Variants in PLOD2 observed in about 807,000 individuals in gnomAD.
PLOD2 encodes the protein procollagen-lysine,2-oxoglutarate 5-dioxygenase 2, also known as lysine hydroxylase 2.
PLOD2 carries 65 observed loss-of-function variants against 101.0 expected under a neutral mutation model. That is an observed-to-expected ratio of 0.64 (90% confidence interval 0.53 to 0.79). The LOEUF (loss-of-function observed/expected upper bound fraction) is 0.79. PLOD2 is among the 30% of genes least tolerant of loss of function. The probability of loss-of-function intolerance (pLI) is 0.00; values close to 1 mark genes in which losing one functional copy is unlikely to be tolerated. For synonymous variants in PLOD2, 314 were observed against 302.9 expected (o/e 1.04, Z -0.38); for missense variants, 909 against 914.6 (o/e 0.99, Z 0.08).
At chr3:146,132,472 G>A (rs1488724867) in intron 1 of PLOD2, among the ~76,000 whole-genome samples, 1 of 151,914 alleles carries the variant, frequency 6.6e-6, no homozygotes, top group Admixed American at 6.6e-5. Flanking sequence ...TAATAGATAT[G>A]TGAAAGACCA....
At chr3:146,106,677 A>G (rs1937540267) in intron 4 of PLOD2, 33 bp from the exon 5 acceptor site, 1 of 1,120,610 alleles carries the variant, frequency 8.9e-7, no homozygotes, top group Non-Finnish European at 1.4e-6. Flanking sequence ...TAGATAATTT[A>G]GGATTCAAAG....
intron 7 of PLOD2, among the ~76,000 whole-genome samples, chr3:146,101,790 G>A (rs570824006): frequency 2.6e-5 from 4 of 152,180 alleles, no homozygotes; most frequent in Non-Finnish European, 5.9e-5. Flanking sequence ...AAATGCTAAT[G>A]AGGAGATGAC....
intron 1 of PLOD2, among the ~76,000 whole-genome samples, chr3:146,138,232 T>C (rs73865321): frequency 0.01 from 1,566 of 152,108 alleles, 34 homozygotes; most frequent in African/African-American, 0.036. Context: ...AATGTTACTG[T>C]GTGCCTACTA....
rs191780503 is a variant in PLOD2 at position 146,138,582 on chromosome 3, T to C, written c.110-14353A>G. ...CTGGGCTGGGTTCAGGCCTCATACA[T>C]TGGCAGTGGAAGAAAAGGGAGGACA... On this transcript the variant is annotated intron_variant, in intron 1 of 19. Coordinates refer to ENST00000282903, the MANE Select transcript of PLOD2 (RefSeq NM_182943.3). Among the ~76,000 whole-genome samples the C allele has an allele frequency of 2.6e-5, 4 of 152,064 alleles. No individual in the cohort carries two copies. In the East Asian group the frequency reaches 5.8e-4, roughly 22 times the overall value.
At chr3:146,110,208 T>G (rs557677090) in intron 4 of PLOD2, 77 bp downstream of exon 4, 2 of 1,235,862 alleles carry the variant, frequency 1.6e-6, no homozygotes, top group South Asian at 2.4e-5. Flanking sequence ...ATATCTAAAG[T>G]TACTACATCT....
Position 146,124,368 on chromosome 3 carries a change from AGCTGTCG to A in PLOD2, c.110-146_110-140del. The A allele has an allele frequency of 7.0e-6, 4 of 570,930 alleles. No homozygotes were observed. In the Admixed American group the frequency reaches 9.0e-5, roughly 13 times the overall value. 35.4% of individuals were successfully genotyped at this position (570,930 alleles called of 1,614,324 possible). ...CTTATCTACACAAGACTAAACAAAG[AGCTGTCG>A]AAAAAATAGATGACTCAAATTGGTT... is the stretch of plus-strand genomic sequence containing the variant. On this transcript the variant is annotated intron_variant, in intron 1 of 19. Transcript: ENST00000282903.
intron 1 of PLOD2, among the ~76,000 whole-genome samples, chr3:146,144,536 T>A (rs984207385): frequency 1.3e-5 from 2 of 152,130 alleles, no homozygotes; most frequent in African/African-American, 4.8e-5. Context: ...TTCATGAACT[T>A]TTCCTATAAA....
At chr3:146,085,010 T>C (rs1349489198) in intron 11 of PLOD2, among the ~76,000 whole-genome samples, 159 bp downstream of exon 11, 1 of 152,118 alleles carries the variant, frequency 6.6e-6, no homozygotes, top group Non-Finnish European at 1.5e-5. Context: ...CTATGACTCC[T>C]TTAAATGAAA....
At chr3:146,160,790 T>C in intron 1 of PLOD2, 91 bp downstream of exon 1, 1 of 826,232 alleles carries the variant, frequency 1.2e-6, no homozygotes, top group South Asian at 1.4e-5. Context: ...ACTACTCACC[T>C]GGCCAGCCCC....
chr3:146,088,352 A>G (rs1295171473), intron 9 of PLOD2, among the ~76,000 whole-genome samples: 1 of 151,650 alleles, frequency 6.6e-6, no homozygotes, highest in Non-Finnish European at 1.5e-5. Context: ...GATGGCTAAT[A>G]TTCAGCCATT....
intron 1 of PLOD2, among the ~76,000 whole-genome samples, chr3:146,147,423 G>A (rs970161844): frequency 6.6e-6 from 1 of 152,188 alleles, no homozygotes; most frequent in African/African-American, 2.4e-5. Context: ...AAATAGAGAA[G>A]ACACTAGAAG....
intron 1 of PLOD2, among the ~76,000 whole-genome samples, chr3:146,128,842 C>T (rs1247377495): frequency 6.8e-6 from 1 of 147,918 alleles, no homozygotes. Context: ...TATCCTGTCA[C>T]CAAATGCTAA....
At chr3:146,126,388 CT>C (rs1020591691) in intron 1 of PLOD2, among the ~76,000 whole-genome samples, 5 of 151,840 alleles carry the variant, frequency 3.3e-5, no homozygotes, top group Non-Finnish European at 7.4e-5. Flanking sequence ...CACCCACATG[CT>C]TTTTTTTAAC....
intron 1 of PLOD2, among the ~76,000 whole-genome samples, chr3:146,135,346 T>G (rs1031183300): frequency 6.6e-6 from 1 of 152,182 alleles, no homozygotes; most frequent in Non-Finnish European, 1.5e-5. Flanking sequence ...AATTAAATGA[T>G]GATTTGATGA....
rs1194357278 is a variant in PLOD2 at position 146,097,815 on chromosome 3, TA to T, written c.777+4939del. On this transcript the variant is annotated intron_variant, in intron 7 of 19. Transcript: ENST00000282903. Reference sequence around the variant, plus strand: ...ATCAATAAAAAAAAAATAATAATAATAATAATAATAAAAAAAGAAAATGTGG... The same window carrying T: ...ATCAATAAAAAAAAAATAATAATAATATAATAATAAAAAAAGAAAATGTGG... Among the ~76,000 whole-genome samples, 45 of 105,040 alleles carry T rather than the reference TA, an allele frequency of 4.3e-4. 1 individual carries two copies. In the South Asian group the frequency reaches 6.1e-3, roughly 14 times the overall value. The allele number at this position is 105,040 out of a possible 152,430, so 68.9% of individuals were successfully genotyped here.
chr3:146,127,491 A>C (rs2030640487), intron 1 of PLOD2, among the ~76,000 whole-genome samples: 1 of 152,092 alleles, frequency 6.6e-6, no homozygotes, highest in Non-Finnish European at 1.5e-5. Context: ...TCCTGCTGCA[A>C]AGGACAGGAT....
chr3:146,079,054 C>G, intron 13 of PLOD2, 62 bp downstream of exon 13: 1 of 1,534,062 alleles, frequency 6.5e-7, no homozygotes, highest in Non-Finnish European at 9.0e-7. Flanking sequence ...CAGTGACACA[C>G]CAACTGGTAA....
intron 1 of PLOD2, among the ~76,000 whole-genome samples, chr3:146,144,938 T>C (rs2031705627): frequency 2.0e-5 from 3 of 152,264 alleles, no homozygotes; most frequent in Admixed American, 1.3e-4. Flanking sequence ...TTCTTAACTA[T>C]CTCTGTTTTC....
rs549288144 is a variant in PLOD2 at position 146,081,251 on chromosome 3, TA to T, written c.1358+486del. Among the ~76,000 whole-genome samples, 6 of 151,828 alleles carry T rather than the reference TA, an allele frequency of 4.0e-5. No homozygotes were observed. The East Asian group carries it at 5.8e-4, about 15-fold the overall frequency. ...TCTAGAAGTGAAAATCTAATATTGG[TA>T]AAAAAAACTTGTATTTAAAGCAGAA... is the stretch of plus-strand genomic sequence containing the variant. On this transcript the variant is annotated intron_variant, in intron 12 of 19. Transcript: ENST00000282903.
Sources: allele counts gnomAD v4.1 joint callset (sites outside exome capture counted in the v4.1 genomes callset), GRCh38; gene constraint gnomAD v4.1.1; transcripts MANE v1.5; gene names NCBI Gene and HGNC (gene_info 2026-07-23, HGNC 2026-07-21).